The following PPP2R3B variants were observed in gnomAD, a reference collection of about 807,000 sequenced individuals.
PPP2R3B encodes serine/threonine-protein phosphatase 2A regulatory subunit B'' subunit beta.
In PPP2R3B, 68 loss-of-function variants were observed where a neutral mutation model predicts 72.9. That is an observed-to-expected ratio of 0.93 (90% CI 0.77 to 1.14). The LOEUF (loss-of-function observed/expected upper bound fraction) is 1.14, where lower values mean the gene tolerates loss of function less well. Ranked by LOEUF, PPP2R3B falls within the 50% of genes most tolerant of loss-of-function variation. PPP2R3B has a pLI of 0.00. For missense variants in PPP2R3B, 1,018 were observed against 842.0 expected (o/e 1.21, Z -2.59); for synonymous variants, 466 against 375.8 (o/e 1.24, Z -2.78).
intron 1 of PPP2R3B, among the ~76,000 whole-genome samples, chrX:370,318 C>T (rs1238797433): frequency 3.9e-5 from 6 of 152,212 alleles, no homozygotes; most frequent in Admixed American, 3.3e-4. Flanking sequence ...CACATGACTG[C>T]AGCCGAGCAA....
chrX:358,792 G>C (rs753041266), intron 2 of PPP2R3B, among the ~76,000 whole-genome samples: 31 of 151,644 alleles, frequency 2.0e-4, no homozygotes, highest in African/African-American at 5.5e-4. Flanking sequence ...CACCGCGGAG[G>C]GGGGGTGGCC....
At position 347,635 on chromosome X, in the gene PPP2R3B, C is replaced by T. The variant is rs750780998; in HGVS notation, c.569G>A (p.Arg190His). The change falls in exon 3 of 13, where the codon CGC becomes CAC. Residue 190 changes from arginine (R) to histidine (H), a missense_variant. Coordinates refer to ENST00000390665, the MANE Select transcript of PPP2R3B (RefSeq NM_013239.5). ...GPLFYGAGGE[R>H]TGSVSVHKFV... is the part of the protein sequence containing the mutation. The stretch of plus-strand genomic sequence containing the variant: ...CTTGTGGACGGACACGGAGCCCGTG[C>T]GCTCCCCGCCGGCGCCATAGAAGAG... 21 of 1,573,300 alleles carry T rather than the reference C, an allele frequency of 1.3e-5. No homozygotes were observed. Among genetic ancestry groups the T allele is most frequent in the East Asian group, 1.2e-4 (5 of 43,334 alleles).
At chrX:364,193 A>G (rs1032986985) in intron 1 of PPP2R3B, among the ~76,000 whole-genome samples, 6 of 152,226 alleles carry the variant, frequency 3.9e-5, no homozygotes, top group Admixed American at 3.3e-4. Flanking sequence ...CGTCACCTTC[A>G]GTGGGAAGAA....
chrX:371,246 C>T (rs1463900436), intron 1 of PPP2R3B, among the ~76,000 whole-genome samples: 4 of 152,236 alleles, frequency 2.6e-5, no homozygotes, highest in South Asian at 4.1e-4. Context: ...CCGTGTAACA[C>T]GCCATCGTCA....
At chrX:346,061 G>A (rs1450700649) in intron 6 of PPP2R3B, 113 bp downstream of exon 6, 5 of 531,548 alleles carry the variant, frequency 9.4e-6, no homozygotes, top group Admixed American at 2.6e-5. Flanking sequence ...GGGGGTGGGG[G>A]TGGGAGAGGG....
At chrX:341,842 CA>C in intron 8 of PPP2R3B, 40 bp downstream of exon 8, 4 of 1,608,924 alleles carry the variant, frequency 2.5e-6, no homozygotes, top group Non-Finnish European at 3.4e-6. Flanking sequence ...GGGGTCCTCG[CA>C]GGGGCAATGG....
At chrX:376,912 A>G (rs1229899006) in intron 1 of PPP2R3B, among the ~76,000 whole-genome samples, 1 of 54,136 alleles carries the variant, frequency 1.8e-5, no homozygotes, top group African/African-American at 8.2e-5. Flanking sequence ...TGGGGCCGCC[A>G]TGGGGCTGTC....
intron 2 of PPP2R3B, among the ~76,000 whole-genome samples, chrX:359,166 AC>A (rs2071495344): frequency 1.3e-5 from 2 of 152,330 alleles, no homozygotes; most frequent in African/African-American, 4.8e-5. Context: ...GGCCGGGCGC[AC>A]TCCGCGAGGG....
chrX:334,230 C>T lies in PPP2R3B; in HGVS notation c.*137G>A, dbSNP rs1488769685. 6.4e-6 allele frequency: 7 copies of T among 1,099,844 alleles called. No homozygotes were observed. The highest frequency in any genetic ancestry group is 8.4e-6 in the Non-Finnish European group (7 of 832,772). The allele number at this position is 1,099,844 out of a possible 1,614,324, so 68.1% of individuals were successfully genotyped here. On this transcript the variant is annotated 3_prime_UTR_variant, in exon 13 of 13. Transcript: ENST00000390665. ...GCCACGAACCCACAGCGGCAATCAA[C>T]ACGCTTCTGTGAATAAATAAAAGTT...
intron 1 of PPP2R3B, among the ~76,000 whole-genome samples, chrX:374,905 C>A (rs990531766): frequency 6.6e-6 from 1 of 152,136 alleles, no homozygotes; most frequent in Admixed American, 6.5e-5. Flanking sequence ...GGCACTGACG[C>A]ACCCAACCCC....
chrX:358,868 A>G (rs1022302283), intron 2 of PPP2R3B, among the ~76,000 whole-genome samples: 3 of 133,138 alleles, frequency 2.3e-5, no homozygotes, highest in African/African-American at 5.6e-5. Context: ...GGGATGAAGC[A>G]CCGCGTGGGG....
chrX:358,825 T>TG (rs1426685910), intron 2 of PPP2R3B, among the ~76,000 whole-genome samples: 1 of 102,290 alleles, frequency 9.8e-6, no homozygotes, highest in Non-Finnish European at 2.0e-5. Context: ...GGCACCACGG[T>TG]GGGGGGAGGC....
In PPP2R3B at chrX:386,128, C is replaced by T. The variant is rs745427278; in HGVS notation, c.324+240G>A. Among the ~76,000 whole-genome samples, 12 of 150,600 alleles carry T rather than the reference C, an allele frequency of 8.0e-5. No homozygotes were observed. In the East Asian group the frequency reaches 1.6e-3, roughly 20 times the overall value. ...AATAAAATAAAATAAAATAGGAAGCCTTTCTACCTTTATAAATTGTGTGAT... is the reference window on the plus strand; with the variant it reads ...AATAAAATAAAATAAAATAGGAAGCTTTTCTACCTTTATAAATTGTGTGAT... On this transcript the variant is annotated intron_variant, in intron 1 of 12. Coordinates refer to ENST00000390665, the MANE Select transcript of PPP2R3B (RefSeq NM_013239.5).
intron 1 of PPP2R3B, among the ~76,000 whole-genome samples, chrX:364,507 AAAAAAAAAAAAAAC>A (rs778336821): frequency 0.031 from 3,050 of 99,728 alleles, 66 homozygotes; most frequent in Middle Eastern, 0.041. Flanking sequence ...CATCTCTACT[AAAAAAAAAAAAAAC>A]AAAAAAAAAA....
intron 12 of PPP2R3B, chrX:336,878 C>A (rs1253304355): frequency 2.0e-5 from 3 of 152,036 alleles, no homozygotes; most frequent in Non-Finnish European, 4.4e-5. Context: ...TGGACTGGGC[C>A]TCCTGCGGTT....
At chrX:369,552 T>C (rs768364744) in intron 1 of PPP2R3B, among the ~76,000 whole-genome samples, 1 of 152,256 alleles carries the variant, frequency 6.6e-6, no homozygotes, top group African/African-American at 2.4e-5. Context: ...TGAGGCTGCC[T>C]GTTTTTGCGT....
In PPP2R3B at chrX:353,106, G is replaced by A. The variant is rs747700053; in HGVS notation, c.511-5413C>T. Among the ~76,000 whole-genome samples, 306 of 152,158 alleles carry A rather than the reference G, an allele frequency of 2.0e-3. 2 individuals are homozygous for A. The highest frequency in any genetic ancestry group is 7.2e-3 in the African/African-American group (298 of 41,500). ...TGGGTGGCAGTGGCCGGGTGCGGTG[G>A]CTCAGGCCTGTCATCCCAGCACTTT... is the stretch of plus-strand genomic sequence containing the variant. On this transcript the variant is annotated intron_variant, in intron 2 of 12. Coordinates refer to ENST00000390665, the MANE Select transcript of PPP2R3B (RefSeq NM_013239.5).
intron 1 of PPP2R3B, chrX:374,161 G>A (rs1192047343): frequency 1.3e-5 from 2 of 152,230 alleles, no homozygotes; most frequent in Non-Finnish European, 2.9e-5. Context: ...ACAGGTCCCC[G>A]AGAAGAGAGC....
intron 4 of PPP2R3B, among the ~76,000 whole-genome samples, chrX:347,033 G>A (rs1294040138): frequency 6.7e-6 from 1 of 149,826 alleles, no homozygotes; most frequent in East Asian, 2.0e-4. Flanking sequence ...GAGGTGTGCG[G>A]TGTAGACGCG....
Sources: allele counts gnomAD v4.1 joint callset (sites outside exome capture counted in the v4.1 genomes callset), GRCh38; gene constraint gnomAD v4.1.1; transcripts MANE v1.5; gene names NCBI Gene and HGNC (gene_info 2026-07-23, HGNC 2026-07-21).